The following DGKH variants were observed in gnomAD, a reference collection of about 807,000 sequenced individuals.
The protein encoded by DGKH is diacylglycerol kinase eta.
In DGKH, 90 loss-of-function variants were observed where a neutral mutation model predicts 159.3. The ratio of observed to expected loss-of-function variants is 0.57; its 90% confidence interval spans 0.48 to 0.67. DGKH has a LOEUF of 0.67. Ranked by LOEUF, DGKH falls within the 30% of genes least tolerant of loss-of-function variation. The pLI is 0.00. For missense variants in DGKH, 1,181 were observed against 1,506.1 expected, an observed-to-expected ratio of 0.78 and a Z score of 3.57; for synonymous variants, 536 against 553.8, an observed-to-expected ratio of 0.97 and a Z score of 0.45.
intron 1 of DGKH, among the ~76,000 whole-genome samples, chr13:42,091,984 C>T (rs544075418): frequency 1.6e-4 from 24 of 152,244 alleles, no homozygotes; most frequent in African/African-American, 5.5e-4. Flanking sequence ...GGAACCTCCA[C>T]GCTGTTTTCT....
intron 1 of DGKH, among the ~76,000 whole-genome samples, chr13:42,075,474 T>G (rs1412419460): frequency 6.6e-6 from 1 of 152,218 alleles, no homozygotes; most frequent in Non-Finnish European, 1.5e-5. Context: ...ACTATCATTA[T>G]TTTTGCACCA....
At chr13:42,117,935 C>T (rs752358958) in intron 1 of DGKH, among the ~76,000 whole-genome samples, 1 of 152,066 alleles carries the variant, frequency 6.6e-6, no homozygotes. Context: ...AAGGCATTTC[C>T]GGCCAGGCGT....
chr13:42,159,714 C>T (rs1020206729), intron 6 of DGKH, among the ~76,000 whole-genome samples: 1 of 152,182 alleles, frequency 6.6e-6, no homozygotes, highest in Admixed American at 6.5e-5. Context: ...TTCAAAACCT[C>T]ACCTCCACTG....
At chr13:42,055,130 G>GAT (rs1404827774) in intron 1 of DGKH, among the ~76,000 whole-genome samples, 1 of 152,172 alleles carries the variant, frequency 6.6e-6, no homozygotes, top group Non-Finnish European at 1.5e-5. Context: ...ATGGCCCATG[G>GAT]ATATAGTCTG....
At chr13:42,129,695 AC>A in intron 3 of DGKH, 63 bp downstream of exon 3, 1 of 1,439,254 alleles carries the variant, frequency 6.9e-7, no homozygotes, top group South Asian at 1.2e-5. Context: ...TTAAGCGTGT[AC>A]AGAATGCCCT....
intron 7 of DGKH, 67 bp downstream of exon 7, chr13:42,160,203 G>T (rs2137976734): frequency 1.2e-6 from 2 of 1,608,808 alleles, no homozygotes; most frequent in African/African-American, 2.7e-5. Context: ...CATCCACGTG[G>T]TTTAGAGGCA....
intron 13 of DGKH, among the ~76,000 whole-genome samples, chr13:42,182,213 G>A (rs965009118): frequency 5.3e-5 from 8 of 152,250 alleles, no homozygotes; most frequent in African/African-American, 1.9e-4. Context: ...ATGGGCAGTG[G>A]CTCAGCATCT....
intron 3 of DGKH, among the ~76,000 whole-genome samples, chr13:42,132,750 T>G (rs539658729): frequency 8.9e-4 from 135 of 152,170 alleles, no homozygotes; most frequent in African/African-American, 3.2e-3. Context: ...AATACAAAAA[T>G]TAGCTGGGTA....
intron 13 of DGKH, among the ~76,000 whole-genome samples, chr13:42,182,382 C>T (rs1462862361): frequency 6.6e-6 from 1 of 152,180 alleles, no homozygotes; most frequent in Non-Finnish European, 1.5e-5. Flanking sequence ...TATTCTACTA[C>T]ACTTTTGGTA....
chr13:42,040,553 G>T (rs894837523), intron 1 of DGKH, among the ~76,000 whole-genome samples: 1 of 151,908 alleles, frequency 6.6e-6, no homozygotes, highest in African/African-American at 2.4e-5. Context: ...CGCCGGGGGC[G>T]GAGGAAGGAG....
chr13:42,251,127 T>C (rs1004194520), intron 29 of DGKH, among the ~76,000 whole-genome samples: 6 of 152,212 alleles, frequency 3.9e-5, no homozygotes, highest in African/African-American at 1.2e-4. Context: ...AAATAAAAAT[T>C]AAAAGTTAAA....
chr13:42,040,239 G>T (rs942832785), intron 1 of DGKH: 6 of 152,252 alleles, frequency 3.9e-5, no homozygotes, highest in African/African-American at 1.4e-4. Context: ...ACCGGGAGAC[G>T]GCGAGAGCGA....
intron 12 of DGKH, 123 bp from the exon 13 acceptor site, chr13:42,178,012 T>G (rs1956648724): frequency 2.0e-6 from 1 of 508,844 alleles, no homozygotes; most frequent in Non-Finnish European, 3.2e-6. Flanking sequence ...CTTTCATATA[T>G]TTCATTATAG....
At chr13:42,059,791 C>T (rs1202859485) in intron 1 of DGKH, among the ~76,000 whole-genome samples, 2 of 152,040 alleles carry the variant, frequency 1.3e-5, no homozygotes, top group East Asian at 1.9e-4. Context: ...TTGCTAAAAT[C>T]GAGTGGTCTC....
At position 42,239,389 on chromosome 13, in the gene DGKH, ATAAAC is replaced by A. The variant is rs1958476038; in HGVS notation, c.*10206_*10210del. 1 of 152,650 alleles carries A rather than the reference ATAAAC, an allele frequency of 6.6e-6. No individual in the cohort carries two copies. The highest frequency in any genetic ancestry group is 1.5e-5 in the Non-Finnish European group (1 of 68,010). The allele number at this position is 152,650 out of a possible 1,614,324, so 9.5% of individuals were successfully genotyped here. ...ATTAGGTTTTTCTGCCAAGAAACTCATAAACTAAAGTATGGAATAACACAAATGCT... is the reference window on the plus strand; with the variant it reads ...ATTAGGTTTTTCTGCCAAGAAACTCATAAAGTATGGAATAACACAAATGCT... On this transcript the variant is annotated 3_prime_UTR_variant, in exon 30 of 30. Transcript: ENST00000337343.
At chr13:42,174,222 G>A (rs1442012857) in intron 12 of DGKH, 78 bp downstream of exon 12, 4 of 1,200,624 alleles carry the variant, frequency 3.3e-6, no homozygotes, top group African/African-American at 1.5e-5. Flanking sequence ...GAGAGAAAAT[G>A]TACTCCTAAT....
chr13:42,162,217 A>AC (rs1956200487), intron 7 of DGKH, among the ~76,000 whole-genome samples: 1 of 152,196 alleles, frequency 6.6e-6, no homozygotes. Flanking sequence ...TGCCTTTAAA[A>AC]CATGAGTTTC....
intron 11 of DGKH, among the ~76,000 whole-genome samples, chr13:42,172,150 C>T (rs1418886927): frequency 4.0e-5 from 6 of 148,812 alleles, no homozygotes; most frequent in African/African-American, 7.5e-5. Flanking sequence ...GATAGAGTTT[C>T]GCTCTGTCAC....
intron 1 of DGKH, among the ~76,000 whole-genome samples, chr13:42,095,826 G>A (rs191279819): frequency 2.2e-4 from 33 of 152,194 alleles, no homozygotes; most frequent in African/African-American, 7.7e-4. Context: ...TTCACTAGTT[G>A]GGAAGTAACT....
Sources: gnomAD v4.1 joint callset for allele counts (sites outside exome capture counted in the v4.1 genomes callset) on GRCh38, gnomAD v4.1.1 for gene constraint, MANE v1.5 for transcripts, NCBI Gene and HGNC (gene_info 2026-07-23, HGNC 2026-07-21) for gene names.